SFMBT2: variants seen among roughly 807,000 people sequenced by gnomAD.
SFMBT2 encodes Scm like with four mbt domains 2.
SFMBT2 carries 38 observed loss-of-function variants against 110.1 expected under a neutral mutation model. The ratio of observed to expected loss-of-function variants is 0.35; its 90% CI spans 0.27 to 0.45. The LOEUF (loss-of-function observed/expected upper bound fraction) is 0.45. SFMBT2 is among the 20% of genes least tolerant of loss of function. The pLI is 1.00. For synonymous variants in SFMBT2, 425 were observed against 425.4 expected, an observed-to-expected ratio of 1.00 and a Z score of 0.01; for missense variants, 1,011 against 1,094.9, an observed-to-expected ratio of 0.92 and a Z score of 1.08.
chr10:7,231,238 AC>A lies in SFMBT2; in HGVS notation c.1121-3302del, dbSNP rs547440132. 2.4e-3 allele frequency among the ~76,000 whole-genome samples: 363 copies of A among 152,314 alleles called. 1 individual carries two copies. Among genetic ancestry groups the A allele is most frequent in the African/African-American group, 8.1e-3 (336 of 41,562 alleles). On this transcript the variant is annotated intron_variant, in intron 9 of 20. Transcript: ENST00000397167. ...ATCTGTCTGGGGTTTTGGAAGACGG[AC>A]TTTGTTAAAGTCAAGATCTCCTTCT...
chr10:7,370,223 T>G (rs942297587), intron 3 of SFMBT2, 58 bp downstream of exon 3: 2 of 1,483,148 alleles, frequency 1.3e-6, no homozygotes, highest in Non-Finnish European at 1.9e-6. Context: ...CTTCTCCCTA[T>G]AGATTCCTTC....
intron 15 of SFMBT2, among the ~76,000 whole-genome samples, chr10:7,191,425 CCCAACAACCG>C (rs145393121): frequency 7.6e-4 from 116 of 152,340 alleles, no homozygotes; most frequent in African/African-American, 2.7e-3. Context: ...AGCCTCACCT[CCCAACAACCG>C]CCAGGGCGAT....
At chr10:7,262,956 C>T (rs114052226) in intron 7 of SFMBT2, among the ~76,000 whole-genome samples, 2,240 of 152,278 alleles carry the variant, frequency 0.015, 62 homozygotes, top group African/African-American at 0.049. Context: ...GGGTATTCAA[C>T]GAACTGGACT....
At chr10:7,371,846 G>C (rs796269870) in intron 2 of SFMBT2, among the ~76,000 whole-genome samples, 13 of 151,214 alleles carry the variant, frequency 8.6e-5, no homozygotes, top group African/African-American at 2.7e-4. Flanking sequence ...GATCCTATCA[G>C]ATAGGCCAGG....
At chr10:7,183,037 A>C (rs1365508001) in intron 16 of SFMBT2, among the ~76,000 whole-genome samples, 3 of 152,190 alleles carry the variant, frequency 2.0e-5, no homozygotes, top group Admixed American at 6.5e-5. Flanking sequence ...TCCCAAGAAG[A>C]CAAAGTAAGA....
At chr10:7,181,704 G>T (rs995824943) in intron 16 of SFMBT2, among the ~76,000 whole-genome samples, 11 of 152,162 alleles carry the variant, frequency 7.2e-5, no homozygotes, top group Non-Finnish European at 1.5e-4. Flanking sequence ...TAAATTGATT[G>T]TGAAATCCAA....
chr10:7,362,882 C>T (rs1240129179), intron 4 of SFMBT2, among the ~76,000 whole-genome samples: 1 of 152,236 alleles, frequency 6.6e-6, no homozygotes, highest in Non-Finnish European at 1.5e-5. Flanking sequence ...TGGACAGATT[C>T]CTGGGCTAGA....
At chr10:7,193,239 C>T (rs1838658109) in intron 15 of SFMBT2, among the ~76,000 whole-genome samples, 1 of 152,176 alleles carries the variant, frequency 6.6e-6, no homozygotes, top group Admixed American at 6.5e-5. Context: ...AGAGCCCCTG[C>T]CTGCTCAGCA....
At chr10:7,225,681 G>A (rs141678637) in intron 10 of SFMBT2, among the ~76,000 whole-genome samples, 6 of 152,272 alleles carry the variant, frequency 3.9e-5, no homozygotes, top group African/African-American at 1.4e-4. Flanking sequence ...AATGGGAACA[G>A]AGGACTGATA....
intron 4 of SFMBT2, among the ~76,000 whole-genome samples, chr10:7,353,283 G>A (rs980277216): frequency 7.2e-5 from 11 of 152,274 alleles, no homozygotes; most frequent in Non-Finnish European, 1.5e-4. Context: ...TGGTGATACA[G>A]TGGACCAAAT....
chr10:7,282,919 T>A (rs1841988008), intron 6 of SFMBT2, among the ~76,000 whole-genome samples: 1 of 152,206 alleles, frequency 6.6e-6, no homozygotes, highest in African/African-American at 2.4e-5. Flanking sequence ...CCTTGGCATC[T>A]CTAATTCTAC....
chr10:7,302,131 C>T (rs967289117), intron 4 of SFMBT2, among the ~76,000 whole-genome samples: 2 of 152,204 alleles, frequency 1.3e-5, no homozygotes, highest in African/African-American at 4.8e-5. Context: ...TCTCCACTTG[C>T]GGAAAATGCC....
intron 20 of SFMBT2, among the ~76,000 whole-genome samples, chr10:7,167,325 G>A (rs563775034): frequency 6.6e-6 from 1 of 152,324 alleles, no homozygotes; most frequent in South Asian, 2.1e-4. Flanking sequence ...GATTTTTACT[G>A]TGTAATGTAC....
chr10:7,184,899 G>A (rs966863455), intron 16 of SFMBT2, among the ~76,000 whole-genome samples: 2 of 152,210 alleles, frequency 1.3e-5, no homozygotes, highest in Non-Finnish European at 2.9e-5. Flanking sequence ...GAAAGCCTCT[G>A]TTCTCATCAG....
chr10:7,264,382 G>A (rs564106634), intron 7 of SFMBT2, among the ~76,000 whole-genome samples: 1 of 152,296 alleles, frequency 6.6e-6, no homozygotes, highest in Non-Finnish European at 1.5e-5. Flanking sequence ...AAAGACGACA[G>A]AGACTGTGCT....
chr10:7,226,746 C>T (rs553081703), intron 10 of SFMBT2, among the ~76,000 whole-genome samples: 9 of 152,244 alleles, frequency 5.9e-5, no homozygotes, highest in Admixed American at 2.6e-4. Flanking sequence ...TGCATAGTGA[C>T]GTTTCAGTCA....
intron 16 of SFMBT2, among the ~76,000 whole-genome samples, chr10:7,183,429 A>G (rs530600541): frequency 2.5e-4 from 38 of 152,318 alleles, no homozygotes; most frequent in African/African-American, 8.7e-4. Context: ...AACACAGGAG[A>G]TGCTCTTGCT....
intron 20 of SFMBT2, among the ~76,000 whole-genome samples, chr10:7,166,998 C>T (rs569188652): frequency 6.6e-6 from 1 of 152,252 alleles, no homozygotes; most frequent in South Asian, 2.1e-4. Context: ...CACAGAACTA[C>T]CATCAATGGA....
At chr10:7,351,541 T>C (rs1844314380) in intron 4 of SFMBT2, among the ~76,000 whole-genome samples, 1 of 152,184 alleles carries the variant, frequency 6.6e-6, no homozygotes, top group Non-Finnish European at 1.5e-5. Context: ...CACGTTTAAT[T>C]AAGTGGTGGC....
Sources: allele counts gnomAD v4.1 joint callset (sites outside exome capture counted in the v4.1 genomes callset), GRCh38; gene constraint gnomAD v4.1.1; transcripts MANE v1.5; gene names NCBI Gene and HGNC (gene_info 2026-07-23, HGNC 2026-07-21).